The following BTBD16 variants were observed in gnomAD, a reference collection of about 807,000 sequenced individuals.
BTBD16 encodes the protein BTB/POZ domain-containing protein 16.
A neutral mutation model predicts 67.4 loss-of-function variants in BTBD16; 66 were observed. That is an observed-to-expected ratio of 0.98 (90% CI 0.80 to 1.20). The LOEUF is 1.20. Ranked by LOEUF, BTBD16 falls within the 50% of genes most tolerant of loss-of-function variation. The probability of loss-of-function intolerance (pLI) is 0.00; values close to 1 mark genes in which losing one functional copy is unlikely to be tolerated. For missense variants in BTBD16, 634 were observed against 616.0 expected (o/e 1.03, Z -0.31); for synonymous variants, 242 against 236.4 (o/e 1.02, Z -0.22).
rs377106967 is a variant in BTBD16 at position 122,309,853 on chromosome 10, C to G, written c.911+2545C>G. Among the ~76,000 whole-genome samples, 27 of 150,030 alleles carry G rather than the reference C, an allele frequency of 1.8e-4. No individual in the cohort carries two copies. In the East Asian group the frequency reaches 2.6e-3, roughly 14 times the overall value. The stretch of plus-strand genomic sequence containing the variant: ...ATGGCACGATCTCGGCTTGCTGCAA[C>G]CTCTGCCTCCTGGGTTCAAGCAATT... On this transcript the variant is annotated intron_variant, in intron 10 of 15. Coordinates refer to ENST00000260723, the MANE Select transcript of BTBD16 (RefSeq NM_144587.5).
chr10:122,307,055 T>C, intron 9 of BTBD16, 134 bp from the exon 10 acceptor site: 1 of 1,004,472 alleles, frequency 1.0e-6, no homozygotes, highest in Non-Finnish European at 1.4e-6. Context: ...GTTTACCTGC[T>C]TGATGTCTGA....
chr10:122,337,377 T>C (rs2133335586), intron 15 of BTBD16, among the ~76,000 whole-genome samples: 1 of 152,166 alleles, frequency 6.6e-6, no homozygotes, highest in East Asian at 1.9e-4. Flanking sequence ...TTTGTGGGGG[T>C]GAGGGAGAGG....
intron 9 of BTBD16, chr10:122,303,697 C>A: frequency 1.1e-6 from 1 of 882,140 alleles, no homozygotes; most frequent in Non-Finnish European, 1.4e-6. Context: ...ATTTTTTTCC[C>A]CTAAAGAACA....
chr10:122,323,628 A>G (rs1236348160), intron 10 of BTBD16, among the ~76,000 whole-genome samples: 1 of 151,486 alleles, frequency 6.6e-6, no homozygotes, highest in Non-Finnish European at 1.5e-5. Flanking sequence ...GATTATACTA[A>G]TTGAAATGAG....
intron 7 of BTBD16, among the ~76,000 whole-genome samples, chr10:122,292,201 G>A (rs1037302201): frequency 6.6e-6 from 1 of 152,216 alleles, no homozygotes; most frequent in Admixed American, 6.5e-5. Context: ...GGCAGTCTCT[G>A]ACATAAAATG....
Position 122,272,487 on chromosome 10 carries a change from A to G in BTBD16, c.-43+973A>G, listed in dbSNP as rs189246348. On this transcript the variant is annotated intron_variant, in intron 1 of 15. Coordinates refer to ENST00000260723, the MANE Select transcript of BTBD16 (RefSeq NM_144587.5). ...CTCCCAAGTAGCTGGGATTACAGGC[A>G]TGCGCCACCACACCCAGCTAATTTT... Among the ~76,000 whole-genome samples, 263 of 152,282 alleles carry G rather than the reference A, an allele frequency of 1.7e-3. 1 individual carries two copies. Among genetic ancestry groups the G allele is most frequent in the African/African-American group, 5.9e-3 (247 of 41,574 alleles).
intron 1 of BTBD16, among the ~76,000 whole-genome samples, chr10:122,273,116 G>T (rs1044969967): frequency 6.6e-6 from 1 of 151,730 alleles, no homozygotes; most frequent in Middle Eastern, 3.2e-3. Context: ...CTGCAATTTT[G>T]GGGCAAGTGA....
At chr10:122,282,777 C>T (rs1386296568) in intron 3 of BTBD16, among the ~76,000 whole-genome samples, 1 of 152,196 alleles carries the variant, frequency 6.6e-6, no homozygotes, top group East Asian at 1.9e-4. Flanking sequence ...CACAAGTAAA[C>T]AGGCAGCCAC....
chr10:122,297,893 C>A, intron 8 of BTBD16, 56 bp downstream of exon 8: 1 of 1,545,046 alleles, frequency 6.5e-7, no homozygotes, highest in Non-Finnish European at 8.9e-7. Context: ...CAGGAGCAGC[C>A]TAGATGCTGG....
chr10:122,275,862 T>A (rs1237434752), intron 2 of BTBD16, among the ~76,000 whole-genome samples: 1 of 151,966 alleles, frequency 6.6e-6, no homozygotes, highest in Non-Finnish European at 1.5e-5. Context: ...CCTGGGCATA[T>A]AACCAAAAGA....
chr10:122,290,984 C>T (rs2096372840), intron 6 of BTBD16, 96 bp from the exon 7 acceptor site: 2 of 1,408,026 alleles, frequency 1.4e-6, no homozygotes, highest in Non-Finnish European at 1.9e-6. Context: ...CTAAGGGCAC[C>T]TCTGCCTGCC....
At chr10:122,324,594 C>T (rs2096441146) in intron 10 of BTBD16, among the ~76,000 whole-genome samples, 1 of 152,212 alleles carries the variant, frequency 6.6e-6, no homozygotes, top group South Asian at 2.1e-4. Context: ...TTAAATTGTT[C>T]TCTTTTAGAA....
At chr10:122,300,778 T>A (rs557160007) in intron 9 of BTBD16, among the ~76,000 whole-genome samples, 1 of 152,330 alleles carries the variant, frequency 6.6e-6, no homozygotes, top group Non-Finnish European at 1.5e-5. Context: ...ACCAAAATTT[T>A]ATTACCTCTG....
At chr10:122,330,282 C>A (rs2096453008) in intron 11 of BTBD16, among the ~76,000 whole-genome samples, 1 of 152,194 alleles carries the variant, frequency 6.6e-6, no homozygotes, top group African/African-American at 2.4e-5. Context: ...TAGGGGAACA[C>A]TAACTCTTCC....
chr10:122,296,920 C>A (rs1374722013), intron 7 of BTBD16, among the ~76,000 whole-genome samples: 1 of 152,236 alleles, frequency 6.6e-6, no homozygotes, highest in African/African-American at 2.4e-5. Flanking sequence ...AAGTGTGGCA[C>A]CTGCTCCTGC....
chr10:122,296,586 G>A (rs535625530), intron 7 of BTBD16, among the ~76,000 whole-genome samples: 2 of 152,328 alleles, frequency 1.3e-5, no homozygotes, highest in South Asian at 2.1e-4. Context: ...AAGCAATTTT[G>A]CTGCAGAGAG....
At chr10:122,294,058 C>T (rs780685230) in intron 7 of BTBD16, 6 of 905,360 alleles carry the variant, frequency 6.6e-6, no homozygotes, top group Non-Finnish European at 7.9e-6. Context: ...GATGAGCAAA[C>T]ATAGGCTTGC....
At chr10:122,332,676 G>T (rs932233207) in intron 13 of BTBD16, 163 bp downstream of exon 13, 11 of 626,790 alleles carry the variant, frequency 1.8e-5, no homozygotes, top group African/African-American at 2.0e-5. Context: ...CAGCTCCCAG[G>T]AAATAAAATT....
chr10:122,300,724 T>G (rs1046710529), intron 9 of BTBD16, among the ~76,000 whole-genome samples: 1 of 152,222 alleles, frequency 6.6e-6, no homozygotes, highest in Non-Finnish European at 1.5e-5. Context: ...GTCATATCTC[T>G]TTAGGACTCT....
Sources: allele counts gnomAD v4.1 joint callset (sites outside exome capture counted in the v4.1 genomes callset), GRCh38; gene constraint gnomAD v4.1.1; transcripts MANE v1.5; gene names NCBI Gene and HGNC (gene_info 2026-07-23, HGNC 2026-07-21).